The following MTUS1 variants were observed in gnomAD, a reference collection of about 807,000 sequenced individuals.
MTUS1 encodes microtubule-associated tumor suppressor 1.
In MTUS1, 109 loss-of-function variants were observed where a neutral mutation model predicts 120.8. The observed-to-expected ratio is 0.90, with a 90% CI of 0.77 to 1.06. The LOEUF is 1.06. MTUS1 is among the 50% of genes least tolerant of loss of function. The pLI, the probability that MTUS1 is intolerant of heterozygous loss-of-function variation, is 0.00. For synonymous variants in MTUS1, 737 were observed against 550.5 expected, an observed-to-expected ratio of 1.34 and a Z score of -4.74; for missense variants, 2,210 against 1,486.3, an observed-to-expected ratio of 1.49 and a Z score of -8.01.
rs747664153 is a variant in MTUS1, at chr8:17,653,398, G to A, written c.3288+27C>T. ...AAAAATGATATTTTTTTTTGTGGGG[G>A]ATACTGGGATATTGACATTCACCCA... On this transcript the variant is annotated intron_variant, in intron 11 of 14. Coordinates refer to ENST00000693296, the MANE Select transcript of MTUS1 (RefSeq NM_001363059.2). The A allele has an allele frequency of 7.1e-6, 11 of 1,556,348 alleles. No homozygotes were observed. The Admixed American group carries it at 7.6e-5, about 11-fold the overall frequency.
intron 3 of MTUS1, among the ~76,000 whole-genome samples, chr8:17,738,596 T>C (rs965853266): frequency 2.0e-5 from 3 of 152,188 alleles, no homozygotes; most frequent in Non-Finnish European, 4.4e-5. Flanking sequence ...GGGGTACATG[T>C]GCAGGCTGTG....
chr8:17,656,669 A>G (rs1394518323), intron 8 of MTUS1, among the ~76,000 whole-genome samples: 1 of 151,762 alleles, frequency 6.6e-6, no homozygotes, highest in African/African-American at 2.4e-5. Context: ...TGGTCAAGAA[A>G]AGAGCCTTGG....
At chr8:17,673,336 C>A (rs1392163613) in intron 8 of MTUS1, among the ~76,000 whole-genome samples, 7 of 152,140 alleles carry the variant, frequency 4.6e-5, no homozygotes, top group East Asian at 1.9e-4. Flanking sequence ...CATAAAGAGG[C>A]CTTCATTTCC....
chr8:17,796,142 G>T (rs1586460055), intron 1 of MTUS1, among the ~76,000 whole-genome samples: 1 of 119,646 alleles, frequency 8.4e-6, no homozygotes, highest in African/African-American at 3.2e-5. Context: ...GTAGAGATGG[G>T]GTTTCACTAT....
intron 7 of MTUS1, chr8:17,675,873 A>G (rs545652543): frequency 6.0e-6 from 1 of 165,664 alleles, no homozygotes; most frequent in Non-Finnish European, 1.3e-5. Context: ...GAAACAAACC[A>G]AAGAAAACCG....
At chr8:17,762,012 G>A (rs1026128089) in intron 1 of MTUS1, among the ~76,000 whole-genome samples, 2 of 152,164 alleles carry the variant, frequency 1.3e-5, no homozygotes, top group South Asian at 2.1e-4. Flanking sequence ...TGGTGCAGTG[G>A]CTCAGGCCTA....
chr8:17,701,388 ACAAT>A (rs1475713508), intron 6 of MTUS1, among the ~76,000 whole-genome samples: 3 of 152,218 alleles, frequency 2.0e-5, no homozygotes, highest in African/African-American at 4.8e-5. Context: ...AATTAGAAAA[ACAAT>A]CAACTTCCAC....
intron 1 of MTUS1, among the ~76,000 whole-genome samples, chr8:17,768,440 G>T (rs74356381): frequency 6.6e-6 from 1 of 151,968 alleles, no homozygotes; most frequent in Admixed American, 6.6e-5. Context: ...AAACTAATTT[G>T]CTTCTTTCTA....
At chr8:17,790,716 G>C (rs1051817526) in intron 1 of MTUS1, among the ~76,000 whole-genome samples, 3 of 152,218 alleles carry the variant, frequency 2.0e-5, no homozygotes, top group Non-Finnish European at 4.4e-5. Context: ...GCCTGGCACA[G>C]TGGCTTACTC....
chr8:17,771,763 C>G (rs2050040813), intron 1 of MTUS1, among the ~76,000 whole-genome samples: 1 of 152,218 alleles, frequency 6.6e-6, no homozygotes, highest in African/African-American at 2.4e-5. Flanking sequence ...AGGGTCCACT[C>G]ATGGAAAAGA....
rs550827355 is a variant in MTUS1 at position 17,749,548 on chromosome 8, C to A, written c.2091+4169G>T. Among the ~76,000 whole-genome samples, 45 of 151,374 alleles carry A rather than the reference C, an allele frequency of 3.0e-4. 1 individual carries two copies. Among genetic ancestry groups the A allele is most frequent in the African/African-American group, 9.9e-4 (41 of 41,256 alleles). On this transcript the variant is annotated intron_variant, in intron 2 of 14. Coordinates refer to ENST00000693296, the MANE Select transcript of MTUS1 (RefSeq NM_001363059.2). ...TGGTGGTCCTCACCTGTAATCCCAG[C>A]TACTCAAAAGGCTGAGGCAAGAGAA...
intron 1 of MTUS1, among the ~76,000 whole-genome samples, chr8:17,783,287 A>T (rs1396446540): frequency 6.6e-6 from 1 of 152,136 alleles, no homozygotes; most frequent in East Asian, 1.9e-4. Flanking sequence ...TCTCCATTCC[A>T]TCCATTCTGG....
At chr8:17,674,527 T>G in intron 8 of MTUS1, 1 of 985,562 alleles carries the variant, frequency 1.0e-6, no homozygotes, top group Non-Finnish European at 1.2e-6. Context: ...GGAACTAAAA[T>G]AACAGCGTAG....
At chr8:17,674,009 A>C (rs1306075494) in intron 8 of MTUS1, among the ~76,000 whole-genome samples, 1 of 152,190 alleles carries the variant, frequency 6.6e-6, no homozygotes, top group Admixed American at 6.5e-5. Flanking sequence ...AGGGCAAGGA[A>C]ATAAGCCCTA....
chr8:17,659,687 A>G (rs1563152575), intron 8 of MTUS1, among the ~76,000 whole-genome samples: 1 of 152,224 alleles, frequency 6.6e-6, no homozygotes, highest in East Asian at 1.9e-4. Context: ...ACAGGGAAAG[A>G]CTTCATCTCA....
intron 8 of MTUS1, among the ~76,000 whole-genome samples, chr8:17,662,799 T>C (rs2130437569): frequency 6.8e-6 from 1 of 147,638 alleles, no homozygotes; most frequent in East Asian, 2.0e-4. Context: ...TCCAGCAATC[T>C]AGCTTAAAAG....
At chr8:17,697,661 A>G (rs1200071115) in intron 6 of MTUS1, 5 of 1,153,234 alleles carry the variant, frequency 4.3e-6, no homozygotes, top group Non-Finnish European at 4.3e-6. Flanking sequence ...TCTGAACCAC[A>G]TCACACTGTG....
At position 17,723,593 on chromosome 8, in the gene MTUS1, C is replaced by G. The variant is rs1380697751; in HGVS notation, c.2449+79G>C. The stretch of plus-strand genomic sequence containing the variant: ...TCCTGAAACCCCAGAAACAAAAATT[C>G]TAATTATTTGCAGAGCATTAGTTTT... On this transcript the variant is annotated intron_variant, in intron 4 of 14. Transcript: ENST00000693296. 28 of 1,464,790 alleles carry G rather than the reference C, an allele frequency of 1.9e-5. 2 individuals carry two copies. Among genetic ancestry groups the G allele is most frequent in the Non-Finnish European group, 2.6e-5 (27 of 1,045,578 alleles). The allele number at this position is 1,464,790 out of a possible 1,614,324, so 90.7% of individuals were successfully genotyped here.
intron 6 of MTUS1, among the ~76,000 whole-genome samples, chr8:17,693,018 G>A (rs1216241448): frequency 6.6e-6 from 1 of 152,140 alleles, no homozygotes; most frequent in Non-Finnish European, 1.5e-5. Context: ...GTACTGAATT[G>A]CCTTCACTGG....
Sources: allele counts gnomAD v4.1 joint callset (sites outside exome capture counted in the v4.1 genomes callset), GRCh38; gene constraint gnomAD v4.1.1; transcripts MANE v1.5; gene names NCBI Gene and HGNC (gene_info 2026-07-23, HGNC 2026-07-21).